EDIL3: variants seen among roughly 807,000 people sequenced by gnomAD.
The protein encoded by EDIL3 is EGF-like repeat and discoidin I-like domain-containing protein 3.
EDIL3 carries 37 observed loss-of-function variants against 67.4 expected under a neutral mutation model. That is an observed-to-expected ratio of 0.55 (90% CI 0.42 to 0.72). EDIL3 has a LOEUF of 0.72. Among genes scored for constraint, EDIL3 ranks in the 30% least tolerant of loss-of-function variants. The pLI is 0.00. For missense variants in EDIL3, 527 were observed against 586.3 expected (o/e 0.90, Z 1.04); for synonymous variants, 195 against 196.3 (o/e 0.99, Z 0.05).
At chr5:84,383,300 T>C (rs2112229262) in intron 1 of EDIL3, among the ~76,000 whole-genome samples, 1 of 152,060 alleles carries the variant, frequency 6.6e-6, no homozygotes, top group African/African-American at 2.4e-5. Flanking sequence ...GCTGCCCTTT[T>C]CCGGCGACTA....
intron 9 of EDIL3, among the ~76,000 whole-genome samples, chr5:84,004,963 G>C (rs1408414294): frequency 6.6e-6 from 1 of 151,950 alleles, no homozygotes; most frequent in African/African-American, 2.4e-5. Flanking sequence ...GAAAAAAAAT[G>C]AGATAAGATC....
chr5:84,014,373 G>A (rs978218048), intron 9 of EDIL3, among the ~76,000 whole-genome samples: 8 of 152,174 alleles, frequency 5.3e-5, no homozygotes, highest in Non-Finnish European at 1.0e-4. Flanking sequence ...TCTGCTGGGC[G>A]CGGTGGCTCA....
At chr5:84,277,080 A>T (rs1212454599) in intron 1 of EDIL3, among the ~76,000 whole-genome samples, 1 of 152,180 alleles carries the variant, frequency 6.6e-6, no homozygotes, top group Non-Finnish European at 1.5e-5. Flanking sequence ...ACATAAAGTA[A>T]ACCATTTTAA....
At chr5:84,045,600 T>C (rs186323549) in intron 9 of EDIL3, among the ~76,000 whole-genome samples, 55 of 152,312 alleles carry the variant, frequency 3.6e-4, no homozygotes, top group Admixed American at 9.2e-4. Flanking sequence ...AAATGTGTCC[T>C]TAGTCACATC....
chr5:84,253,902 C>G (rs1022460702), intron 2 of EDIL3, among the ~76,000 whole-genome samples, 182 bp downstream of exon 2: 18 of 151,772 alleles, frequency 1.2e-4, no homozygotes, highest in African/African-American at 4.1e-4. Context: ...ACTTAAAGAA[C>G]ACAATTAATA....
chr5:84,199,717 C>A (rs529629727), intron 3 of EDIL3, among the ~76,000 whole-genome samples: 1 of 151,904 alleles, frequency 6.6e-6, no homozygotes, highest in Admixed American at 6.6e-5. Flanking sequence ...TCAAATCTCC[C>A]GTAAACATTT....
At chr5:84,210,982 A>C (rs572247821) in intron 3 of EDIL3, among the ~76,000 whole-genome samples, 1 of 152,326 alleles carries the variant, frequency 6.6e-6, no homozygotes, top group African/African-American at 2.4e-5. Flanking sequence ...TAGTAGGTTG[A>C]ATGGTGCTCC....
At chr5:83,986,348 T>C (rs1045231865) in intron 9 of EDIL3, among the ~76,000 whole-genome samples, 2 of 152,136 alleles carry the variant, frequency 1.3e-5, no homozygotes, top group East Asian at 3.9e-4. Context: ...CTAGCAGATA[T>C]AGATATAAAC....
At chr5:84,042,639 C>G (rs1325620634) in intron 9 of EDIL3, among the ~76,000 whole-genome samples, 1 of 152,104 alleles carries the variant, frequency 6.6e-6, no homozygotes, top group African/African-American at 2.4e-5. Flanking sequence ...AGGCACACCC[C>G]TGCTTCCTTT....
chr5:84,010,666 C>T (rs1399208239), intron 9 of EDIL3, among the ~76,000 whole-genome samples: 1 of 152,130 alleles, frequency 6.6e-6, no homozygotes, highest in Non-Finnish European at 1.5e-5. Context: ...ATTATCTCAA[C>T]TAATTATCCT....
At chr5:84,056,106 G>C (rs1019424411) in intron 9 of EDIL3, among the ~76,000 whole-genome samples, 4 of 151,338 alleles carry the variant, frequency 2.6e-5, no homozygotes, top group African/African-American at 9.7e-5. Flanking sequence ...GTGGCACATG[G>C]AATACTAGGA....
chr5:84,050,197 C>CA (rs11335643), intron 9 of EDIL3, among the ~76,000 whole-genome samples: 4,686 of 60,526 alleles, frequency 0.077, 422 homozygotes, highest in East Asian at 0.42. Flanking sequence ...AACTCCATCT[C>CA]AAAAAAAAAA....
At chr5:84,353,848 T>C (rs756188313) in intron 1 of EDIL3, among the ~76,000 whole-genome samples, 1 of 152,222 alleles carries the variant, frequency 6.6e-6, no homozygotes, top group Non-Finnish European at 1.5e-5. Flanking sequence ...ATATTTATTT[T>C]GTATTTTTCA....
Position 84,180,523 on chromosome 5 carries a change from T to A in EDIL3, c.227-2A>T, listed in dbSNP as rs1324579982. On this transcript the variant is annotated splice_acceptor_variant, in intron 3 of 10. Coordinates refer to ENST00000296591, the MANE Select transcript of EDIL3 (RefSeq NM_005711.5). LOFTEE classifies it high-confidence loss of function. ...GGCATGGATTAGGAGTGCAGGGACC[T>A]GAAAGACAGAAAAAAATATTTCTGC... 6.4e-7 allele frequency: 1 copy of A among 1,562,560 alleles called. No homozygotes were observed. Among genetic ancestry groups the A allele is most frequent in the Non-Finnish European group, 8.6e-7 (1 of 1,160,940 alleles).
chr5:84,132,485 T>C (rs856439), intron 5 of EDIL3, among the ~76,000 whole-genome samples: 265 of 20,804 alleles, frequency 0.013, no homozygotes, highest in African/African-American at 0.022. Flanking sequence ...TATATTTTAA[T>C]ATATATTATA....
intron 1 of EDIL3, among the ~76,000 whole-genome samples, chr5:84,305,852 C>T (rs1746255720): frequency 6.6e-6 from 1 of 151,868 alleles, no homozygotes; most frequent in Admixed American, 6.6e-5. Flanking sequence ...GCACTCCAGC[C>T]TGAGCGACAG....
At chr5:84,367,466 T>C (rs1203392653) in intron 1 of EDIL3, among the ~76,000 whole-genome samples, 12 of 152,146 alleles carry the variant, frequency 7.9e-5, no homozygotes, top group Admixed American at 7.9e-4. Context: ...GCAATGAGAC[T>C]GAATCTCAGC....
intron 3 of EDIL3, among the ~76,000 whole-genome samples, chr5:84,206,643 T>C (rs1204902215): frequency 6.6e-6 from 1 of 152,122 alleles, no homozygotes; most frequent in Non-Finnish European, 1.5e-5. Context: ...TGCAAAAATC[T>C]TCAATAAAAT....
chr5:84,176,201 A>ATAT (rs1748904591), intron 4 of EDIL3, among the ~76,000 whole-genome samples: 1 of 9,192 alleles, frequency 1.1e-4, no homozygotes, highest in African/African-American at 2.0e-4. Context: ...TATATATAAT[A>ATAT]TATATATATA....
Sources: gnomAD v4.1 joint callset for allele counts (sites outside exome capture counted in the v4.1 genomes callset) on GRCh38, gnomAD v4.1.1 for gene constraint, MANE v1.5 for transcripts, NCBI Gene and HGNC (gene_info 2026-07-23, HGNC 2026-07-21) for gene names.